LRRTM4: variants seen among roughly 807,000 people sequenced by gnomAD.
The protein encoded by LRRTM4 is leucine rich repeat transmembrane neuronal 4, also known as leucine-rich repeat transmembrane neuronal protein 4.
In LRRTM4, 25 loss-of-function variants were observed where a neutral mutation model predicts 47.6. That is an observed-to-expected ratio of 0.53 (90% CI 0.38 to 0.73). The LOEUF is 0.73. Ranked by LOEUF, LRRTM4 falls within the 30% of genes least tolerant of loss-of-function variation. The probability of loss-of-function intolerance (pLI) is 0.00; values close to 1 mark genes in which losing one functional copy is unlikely to be tolerated. For synonymous variants in LRRTM4, 311 were observed against 269.5 expected, an observed-to-expected ratio of 1.15 and a Z score of -1.51; for missense variants, 638 against 713.4, an observed-to-expected ratio of 0.89 and a Z score of 1.20.
chr2:76,797,952 C>T (rs1421579510), intron 3 of LRRTM4, among the ~76,000 whole-genome samples: 1 of 150,184 alleles, frequency 6.7e-6, no homozygotes, highest in East Asian at 1.9e-4. Flanking sequence ...ACAGGAGCAT[C>T]CAGATTCATA....
chr2:76,987,530 T>A (rs1351094877), intron 3 of LRRTM4: 2 of 151,958 alleles, frequency 1.3e-5, no homozygotes, highest in African/African-American at 4.8e-5. Flanking sequence ...TTAGTAATTT[T>A]AAGTTTCACC....
intron 3 of LRRTM4, among the ~76,000 whole-genome samples, chr2:77,158,274 A>T (rs1291401548): frequency 6.6e-6 from 1 of 152,194 alleles, no homozygotes; most frequent in Non-Finnish European, 1.5e-5. Context: ...GTCAAAAAAT[A>T]TAGAGATTTA....
At chr2:76,975,570 G>A (rs947886330) in intron 3 of LRRTM4, among the ~76,000 whole-genome samples, 14 of 151,508 alleles carry the variant, frequency 9.2e-5, no homozygotes, top group African/African-American at 2.9e-4. Context: ...TAACATTACT[G>A]TGGCTCCATA....
chr2:77,005,934 T>C (rs1677626344), intron 3 of LRRTM4, among the ~76,000 whole-genome samples: 1 of 152,164 alleles, frequency 6.6e-6, no homozygotes, highest in Non-Finnish European at 1.5e-5. Flanking sequence ...ATTGTCCTTA[T>C]TTTACATACA....
Position 77,267,743 on chromosome 2 carries a change from G to C in LRRTM4, c.1551+250575C>G, listed in dbSNP as rs116771341. On this transcript the variant is annotated intron_variant, in intron 3 of 3. Transcript: ENST00000409884. The stretch of plus-strand genomic sequence containing the variant: ...TCCTTTCAAGTTCAAAAATATCCTA[G>C]TTTGGACTATACATTTTATGATTAC... Among the ~76,000 whole-genome samples, 1,179 of 141,972 alleles carry C rather than the reference G, an allele frequency of 8.3e-3. 16 individuals carry two copies. The highest frequency in any genetic ancestry group is 0.027 in the African/African-American group (1,033 of 38,498). 93.1% of individuals were successfully genotyped at this position (141,972 alleles called of 152,430 possible). A position where few individuals can be genotyped will look rare whatever the true frequency, so the allele number is the denominator to read the frequency against.
At chr2:76,813,914 G>A (rs139375526) in intron 3 of LRRTM4, among the ~76,000 whole-genome samples, 2 of 138,212 alleles carry the variant, frequency 1.4e-5, no homozygotes, top group African/African-American at 2.7e-5. Flanking sequence ...CAATTATTAA[G>A]TAAAGTTCAT....
chr2:77,019,141 T>C (rs74610335), intron 3 of LRRTM4, among the ~76,000 whole-genome samples: 2,339 of 151,632 alleles, frequency 0.015, 65 homozygotes, highest in African/African-American at 0.054. Flanking sequence ...ATTTTTAGAC[T>C]TGTTATAGAG....
chr2:77,047,925 T>C (rs988132345), intron 3 of LRRTM4, among the ~76,000 whole-genome samples: 16 of 152,104 alleles, frequency 1.1e-4, no homozygotes, highest in Non-Finnish European at 1.6e-4. Flanking sequence ...GTCTTGTGCA[T>C]TGTAGGACAT....
At chr2:77,250,841 C>T (rs778778709) in intron 3 of LRRTM4, among the ~76,000 whole-genome samples, 2 of 152,216 alleles carry the variant, frequency 1.3e-5, no homozygotes, top group East Asian at 1.9e-4. Context: ...TGATGGCTCA[C>T]GCCTGTAATC....
intron 3 of LRRTM4, among the ~76,000 whole-genome samples, chr2:77,516,405 G>A (rs1679209551): frequency 1.3e-5 from 2 of 151,766 alleles, no homozygotes; most frequent in African/African-American, 4.8e-5. Context: ...TAGAACCCCA[G>A]TTCTCAAATC....
At chr2:76,958,846 C>T (rs1675761917) in intron 3 of LRRTM4, among the ~76,000 whole-genome samples, 1 of 151,588 alleles carries the variant, frequency 6.6e-6, no homozygotes, top group South Asian at 2.1e-4. Flanking sequence ...AATATGCCCC[C>T]TTGCCATTCA....
Position 77,377,029 on chromosome 2 carries a change from A to G in LRRTM4, c.1551+141289T>C, listed in dbSNP as rs1475437209. On this transcript the variant is annotated intron_variant, in intron 3 of 3. Coordinates refer to ENST00000409884, the MANE Select transcript of LRRTM4 (RefSeq NM_001134745.3). ...ATCACTAAGGGCATGTTTATTTTATATTATGAGTGATGATATAATATCATG... is the reference window on the plus strand; with the variant it reads ...ATCACTAAGGGCATGTTTATTTTATGTTATGAGTGATGATATAATATCATG... 4.0e-5 allele frequency among the ~76,000 whole-genome samples: 6 copies of G among 151,884 alleles called. No homozygotes were observed. In the East Asian group the frequency reaches 5.8e-4, roughly 15 times the overall value.
At chr2:77,199,573 C>T (rs1400995909) in intron 3 of LRRTM4, among the ~76,000 whole-genome samples, 1 of 152,080 alleles carries the variant, frequency 6.6e-6, no homozygotes, top group Non-Finnish European at 1.5e-5. Flanking sequence ...CTCTAGATCT[C>T]ACTTTCCATT....
intron 3 of LRRTM4, among the ~76,000 whole-genome samples, chr2:77,360,476 TGATACGATACGATAC>T (rs138905032): frequency 0.016 from 1,912 of 123,268 alleles, 30 homozygotes; most frequent in Middle Eastern, 0.034. Flanking sequence ...CAATACGATA[TGATACGATACGATAC>T]GATACGATAC....
At chr2:77,060,323 T>TGCAA (rs1191007319) in intron 3 of LRRTM4, among the ~76,000 whole-genome samples, 2 of 152,160 alleles carry the variant, frequency 1.3e-5, no homozygotes, top group Non-Finnish European at 2.9e-5. Flanking sequence ...GTGCTAAACA[T>TGCAA]GCAATTATTT....
intron 3 of LRRTM4, among the ~76,000 whole-genome samples, chr2:76,896,809 T>C (rs1673432260): frequency 6.7e-6 from 1 of 149,150 alleles, no homozygotes; most frequent in Non-Finnish European, 1.5e-5. Flanking sequence ...ATGTATATGA[T>C]GTTTCCTTGT....
chr2:77,479,097 T>C (rs1027657979), intron 3 of LRRTM4, among the ~76,000 whole-genome samples: 3 of 152,102 alleles, frequency 2.0e-5, no homozygotes, highest in Non-Finnish European at 4.4e-5. Flanking sequence ...GGTTTCACCA[T>C]CTTGGTCAGG....
intron 3 of LRRTM4, among the ~76,000 whole-genome samples, chr2:77,084,155 A>G (rs969872431): frequency 6.6e-5 from 10 of 152,166 alleles, no homozygotes; most frequent in African/African-American, 1.9e-4. Flanking sequence ...GGTCTCACCG[A>G]TAATATATGA....
rs569604840 is a variant in LRRTM4 at position 77,396,765 on chromosome 2, CACAG to C, written c.1551+121549_1551+121552del. Among the ~76,000 whole-genome samples, 124 of 151,922 alleles carry C rather than the reference CACAG, an allele frequency of 8.2e-4. 1 individual carries two copies. Among genetic ancestry groups the C allele is most frequent in the African/African-American group, 2.9e-3 (120 of 41,488 alleles). ...CACAATAGTTTTTTTTTCTCAACAA[CACAG>C]ACAGCAGTAAAGTGATTAAACAGCA... On this transcript the variant is annotated intron_variant, in intron 3 of 3. Coordinates refer to ENST00000409884, the MANE Select transcript of LRRTM4 (RefSeq NM_001134745.3).
Sources: allele counts gnomAD v4.1 joint callset (sites outside exome capture counted in the v4.1 genomes callset), GRCh38; gene constraint gnomAD v4.1.1; transcripts MANE v1.5; gene names NCBI Gene and HGNC (gene_info 2026-07-23, HGNC 2026-07-21).